KCNB2: variants seen among roughly 807,000 people sequenced by gnomAD.
KCNB2 encodes the protein delayed rectifier potassium channel protein.
A neutral mutation model predicts 61.5 loss-of-function variants in KCNB2; 15 were observed. The observed-to-expected ratio is 0.24, with a 90% CI of 0.16 to 0.38. The LOEUF (loss-of-function observed/expected upper bound fraction) is 0.38, where lower values mean the gene tolerates loss of function less well. KCNB2 is among the 10% of genes least tolerant of loss of function. The pLI is 1.00. For missense variants in KCNB2, 828 were observed against 1,125.2 expected, an observed-to-expected ratio of 0.74 and a Z score of 3.78; for synonymous variants, 457 against 446.0, an observed-to-expected ratio of 1.02 and a Z score of -0.31.
chr8:72,833,941 T>C (rs896843349), intron 2 of KCNB2, among the ~76,000 whole-genome samples: 2 of 152,210 alleles, frequency 1.3e-5, no homozygotes, highest in African/African-American at 4.8e-5. Flanking sequence ...TGCATTTTCT[T>C]ACATCAGCAA....
chr8:72,626,489 C>T (rs1334456878), intron 2 of KCNB2, among the ~76,000 whole-genome samples: 4 of 152,212 alleles, frequency 2.6e-5, no homozygotes. Context: ...TTGCAGTGTA[C>T]AGAAGGTGTT....
At chr8:72,917,930 G>A (rs1806433979) in intron 2 of KCNB2, among the ~76,000 whole-genome samples, 1 of 152,158 alleles carries the variant, frequency 6.6e-6, no homozygotes, top group East Asian at 1.9e-4. Flanking sequence ...GAAGAGAAAG[G>A]ACCCAAAGAG....
chr8:72,788,368 C>T (rs972487051), intron 2 of KCNB2, among the ~76,000 whole-genome samples: 2 of 152,112 alleles, frequency 1.3e-5, no homozygotes, highest in Non-Finnish European at 2.9e-5. Context: ...CCTCATAAGG[C>T]ATTTTCTTTG....
chr8:72,817,078 C>A (rs1646267943), intron 2 of KCNB2, among the ~76,000 whole-genome samples: 1 of 152,134 alleles, frequency 6.6e-6, no homozygotes, highest in African/African-American at 2.4e-5. Flanking sequence ...GAAAAGAAAA[C>A]AGCCTTTAGA....
At chr8:72,571,958 C>T (rs1191100513) in intron 2 of KCNB2, among the ~76,000 whole-genome samples, 2 of 152,170 alleles carry the variant, frequency 1.3e-5, no homozygotes, top group Admixed American at 1.3e-4. Context: ...ACTGCAGTTG[C>T]TAGTTCCCTG....
At chr8:72,548,158 A>G (rs998633600) in intron 1 of KCNB2, among the ~76,000 whole-genome samples, 2 of 152,210 alleles carry the variant, frequency 1.3e-5, no homozygotes, top group African/African-American at 4.8e-5. Context: ...ACAGTATTTT[A>G]TAAACATTAC....
chr8:72,596,334 G>A (rs772620814), intron 2 of KCNB2, among the ~76,000 whole-genome samples: 1 of 152,116 alleles, frequency 6.6e-6, no homozygotes, highest in Admixed American at 6.5e-5. Context: ...TGGCTCTGCC[G>A]AGTACTACTT....
In KCNB2 at chr8:72,561,770, T is replaced by C. The variant is rs1329259175; in HGVS notation, c.-93-5872T>C. ...ATGTATATATATATATGGATATATA[T>C]ATATATGGATATATATATACATATA... On this transcript the variant is annotated intron_variant, in intron 1 of 2. Coordinates refer to ENST00000523207, the MANE Select transcript of KCNB2 (RefSeq NM_004770.3). Among the ~76,000 whole-genome samples, 181 of 31,184 alleles carry C rather than the reference T, an allele frequency of 5.8e-3. 20 individuals are homozygous for C. The highest frequency in any genetic ancestry group is 0.02 in the African/African-American group (122 of 6,246). The allele number at this position is 31,184 out of a possible 152,430, so 20.5% of individuals were successfully genotyped here.
chr8:72,778,795 A>G (rs1185783537), intron 2 of KCNB2, among the ~76,000 whole-genome samples: 1 of 151,090 alleles, frequency 6.6e-6, no homozygotes, highest in Non-Finnish European at 1.5e-5. Flanking sequence ...AAGAAAAGAA[A>G]AAGAAAAAGA....
intron 2 of KCNB2, among the ~76,000 whole-genome samples, chr8:72,572,102 C>G (rs1393401186): frequency 6.6e-6 from 1 of 152,184 alleles, no homozygotes; most frequent in Admixed American, 6.5e-5. Context: ...CACCTGAGAT[C>G]TGAAAGAAAC....
intron 2 of KCNB2, among the ~76,000 whole-genome samples, chr8:72,758,488 T>C (rs1024025806): frequency 5.3e-5 from 8 of 152,188 alleles, no homozygotes; most frequent in African/African-American, 1.9e-4. Flanking sequence ...TGCACTTACA[T>C]AGCTAATGAA....
chr8:72,579,659 A>G (rs1344781886), intron 2 of KCNB2, among the ~76,000 whole-genome samples: 1 of 152,160 alleles, frequency 6.6e-6, no homozygotes, highest in Non-Finnish European at 1.5e-5. Flanking sequence ...AGAGCCTTCT[A>G]TTTGAGCAGA....
chr8:72,755,046 T>G (rs1001701038), intron 2 of KCNB2, among the ~76,000 whole-genome samples: 15 of 152,168 alleles, frequency 9.9e-5, no homozygotes, highest in Non-Finnish European at 1.9e-4. Context: ...GGGAACGGCA[T>G]TTTTCCTCTG....
At chr8:72,577,599 T>G (rs1806818759) in intron 2 of KCNB2, among the ~76,000 whole-genome samples, 1 of 152,172 alleles carries the variant, frequency 6.6e-6, no homozygotes, top group Non-Finnish European at 1.5e-5. Flanking sequence ...TCCCAAGATT[T>G]TGTTTCAGGA....
chr8:72,843,184 T>G (rs568820927), intron 2 of KCNB2, among the ~76,000 whole-genome samples: 123 of 152,352 alleles, frequency 8.1e-4, no homozygotes, highest in Non-Finnish European at 1.5e-3. Context: ...TGCCTTAATT[T>G]CGTTATTTAC....
At chr8:72,585,160 A>AG (rs1215793583) in intron 2 of KCNB2, among the ~76,000 whole-genome samples, 1 of 152,074 alleles carries the variant, frequency 6.6e-6, no homozygotes, top group Non-Finnish European at 1.5e-5. Context: ...GCACTAAATA[A>AG]GGGGTTTTTT....
At chr8:72,571,708 C>G (rs1486804478) in intron 2 of KCNB2, among the ~76,000 whole-genome samples, 1 of 152,074 alleles carries the variant, frequency 6.6e-6, no homozygotes, top group Non-Finnish European at 1.5e-5. Context: ...TGTGGCTCAG[C>G]TGAATGGGCC....
intron 2 of KCNB2, among the ~76,000 whole-genome samples, chr8:72,728,143 G>T (rs1807682757): frequency 1.3e-5 from 2 of 152,088 alleles, no homozygotes; most frequent in South Asian, 4.2e-4. Flanking sequence ...TAATTCCAGG[G>T]CTTCCAGAAA....
chr8:72,716,005 A>T (rs993153455), intron 2 of KCNB2, among the ~76,000 whole-genome samples: 1 of 152,232 alleles, frequency 6.6e-6, no homozygotes, highest in Non-Finnish European at 1.5e-5. Flanking sequence ...ACAGAAATAC[A>T]AACTACCATC....
Sources: gnomAD v4.1 joint callset for allele counts (sites outside exome capture counted in the v4.1 genomes callset) on GRCh38, gnomAD v4.1.1 for gene constraint, MANE v1.5 for transcripts, NCBI Gene and HGNC (gene_info 2026-07-23, HGNC 2026-07-21) for gene names.